ABTB3: variants seen among roughly 807,000 people sequenced by gnomAD.
ABTB3 encodes ankyrin repeat and BTB domain containing 3.
At chr12:107,346,634 T>C in the ABTB3 span, among the ~76,000 whole-genome samples, 3 of 152,148 alleles carry the variant, frequency 2.0e-5, no homozygotes, top group Non-Finnish European at 4.4e-5. Context: ...TAATTTTCTG[T>C]ATTTTTAGTA....
At chr12:107,382,921 G>C in the ABTB3 span, among the ~76,000 whole-genome samples, 1 of 152,110 alleles carries the variant, frequency 6.6e-6, no homozygotes, top group Non-Finnish European at 1.5e-5. Context: ...ATAATTAAAA[G>C]AAAAAATCCT....
At chr12:107,488,708 C>G in the ABTB3 span, among the ~76,000 whole-genome samples, 2 of 150,994 alleles carry the variant, frequency 1.3e-5, no homozygotes, top group African/African-American at 4.9e-5. Context: ...ACCATTTTAA[C>G]AATTTTTAAG....
the ABTB3 span, among the ~76,000 whole-genome samples, chr12:107,507,674 G>A: frequency 2.0e-5 from 3 of 152,198 alleles, no homozygotes; most frequent in East Asian, 3.9e-4. Context: ...TGCCAGCCAC[G>A]GCCAACTTCT....
the ABTB3 span, chr12:107,581,444 A>C: frequency 1.6e-6 from 1 of 637,870 alleles, no homozygotes; most frequent in African/African-American, 2.0e-5. Context: ...CCCTGGTTGA[A>C]GTGGCAGACG....
At chr12:107,435,407 TTTTTGTTGCTTTGACCATACTTAACATA>T in the ABTB3 span, among the ~76,000 whole-genome samples, 1 of 152,166 alleles carries the variant, frequency 6.6e-6, no homozygotes, top group South Asian at 2.1e-4. Context: ...GGCTTCAAGG[TTTTTGTTGCTTTGACCATACTTAACATA>T]TTTTGAAATG....
chr12:107,415,012 G>T, the ABTB3 span, among the ~76,000 whole-genome samples: 630 of 152,052 alleles, frequency 4.1e-3, 5 homozygotes, highest in Middle Eastern at 0.021. Context: ...AGTGTGCCCG[G>T]CCCGATCACC....
the ABTB3 span, among the ~76,000 whole-genome samples, chr12:107,493,969 T>C: frequency 1.4e-4 from 21 of 152,330 alleles, no homozygotes; most frequent in Non-Finnish European, 2.9e-4. Context: ...AAATGTCTGT[T>C]GTTTAAGCCA....
At chr12:107,597,555 C>T in the ABTB3 span, among the ~76,000 whole-genome samples, 2 of 152,186 alleles carry the variant, frequency 1.3e-5, no homozygotes, top group Non-Finnish European at 2.9e-5. Context: ...ACCTAATCAC[C>T]TTCCAAAGGT....
chr12:107,420,799 G>A, the ABTB3 span, among the ~76,000 whole-genome samples: 4 of 152,132 alleles, frequency 2.6e-5, no homozygotes, highest in Non-Finnish European at 5.9e-5. Context: ...TCTGCACCCT[G>A]GGGATTAAAA....
At chr12:107,427,578 C>T in the ABTB3 span, among the ~76,000 whole-genome samples, 1 of 152,162 alleles carries the variant, frequency 6.6e-6, no homozygotes, top group Non-Finnish European at 1.5e-5. Context: ...CTTGTGATTA[C>T]CTTGGGCCTA....
chr12:107,594,230 T>A, the ABTB3 span, among the ~76,000 whole-genome samples: 507 of 152,286 alleles, frequency 3.3e-3, 2 homozygotes, highest in Non-Finnish European at 5.7e-3. Context: ...CATTCAGACA[T>A]GTGCACCGTA....
chr12:107,507,370 C>G, the ABTB3 span, among the ~76,000 whole-genome samples: 1 of 152,108 alleles, frequency 6.6e-6, no homozygotes, highest in Non-Finnish European at 1.5e-5. Flanking sequence ...ATCTGAGAGG[C>G]CAGGAATGAT....
chr12:107,441,631 C>CT, the ABTB3 span, among the ~76,000 whole-genome samples: 1 of 151,538 alleles, frequency 6.6e-6, no homozygotes, highest in African/African-American at 2.4e-5. Flanking sequence ...AAAATTAAAA[C>CT]TTAAAAAAAA....
chr12:107,358,242 G>T, the ABTB3 span, among the ~76,000 whole-genome samples: 2 of 152,208 alleles, frequency 1.3e-5, no homozygotes, highest in African/African-American at 4.8e-5. Context: ...AGGGAATGAG[G>T]ATATATGCAT....
At chr12:107,457,430 A>G in the ABTB3 span, among the ~76,000 whole-genome samples, 16,579 of 152,260 alleles carry the variant, frequency 0.11, 967 homozygotes, top group Middle Eastern at 0.16. Context: ...TCACCATGGC[A>G]ATTTCGAAGA....
At chr12:107,396,582 ATT>A in the ABTB3 span, among the ~76,000 whole-genome samples, 4 of 65,412 alleles carry the variant, frequency 6.1e-5, no homozygotes, top group African/African-American at 2.3e-4. Flanking sequence ...ACAAAGATGA[ATT>A]TTTTTTTTTT....
the ABTB3 span, among the ~76,000 whole-genome samples, chr12:107,510,976 C>T: frequency 2.6e-5 from 4 of 152,078 alleles, no homozygotes; most frequent in East Asian, 7.7e-4. Context: ...CAGCAAAGAG[C>T]CCTAAATGAG....
chr12:107,443,353 C>T, the ABTB3 span, among the ~76,000 whole-genome samples: 5 of 151,886 alleles, frequency 3.3e-5, no homozygotes, highest in Non-Finnish European at 5.9e-5. Flanking sequence ...AGGCTGACAG[C>T]TGAGGCAGCA....
At chr12:107,515,637 G>C in the ABTB3 span, among the ~76,000 whole-genome samples, 1 of 152,168 alleles carries the variant, frequency 6.6e-6, no homozygotes, top group East Asian at 1.9e-4. Flanking sequence ...TTGGCAGGTG[G>C]GCAAACCAGA....
Sources: gnomAD v4.1 joint callset for allele counts (sites outside exome capture counted in the v4.1 genomes callset) on GRCh38, gnomAD v4.1.1 for gene constraint, MANE v1.5 for transcripts, NCBI Gene and HGNC (gene_info 2026-07-23, HGNC 2026-07-21) for gene names.